ENPP1: variants seen among roughly 807,000 people sequenced by gnomAD.
The protein encoded by ENPP1 is ectonucleotide pyrophosphatase/phosphodiesterase family member 1.
A neutral mutation model predicts 122.8 loss-of-function variants in ENPP1; 73 were observed. That is an observed-to-expected ratio of 0.59 (90% CI 0.49 to 0.72). ENPP1 has a LOEUF of 0.72. Ranked by LOEUF, ENPP1 falls within the 30% of genes least tolerant of loss-of-function variation. The probability of loss-of-function intolerance (pLI) is 0.00; values close to 1 mark genes in which losing one functional copy is unlikely to be tolerated. For missense variants in ENPP1, 978 were observed against 1,128.1 expected, an observed-to-expected ratio of 0.87 and a Z score of 1.91; for synonymous variants, 367 against 391.6, an observed-to-expected ratio of 0.94 and a Z score of 0.74.
At position 131,894,148 on chromosome 6, in the gene ENPP1, G is replaced by C. The variant is rs1340860362; in HGVS notation, c.*3637G>C. The C allele has an allele frequency of 6.6e-6, 1 of 151,606 alleles. No homozygotes were observed. Among genetic ancestry groups the C allele is most frequent in the Non-Finnish European group, 1.5e-5 (1 of 68,014 alleles). The allele number at this position is 151,606 out of a possible 1,614,324, so 9.4% of individuals were successfully genotyped here. ...TTTTGTATTTTTAGTAGAGAATGGA[G>C]TTTCACCGTGTTAGCCAGGATGGTC... On this transcript the variant is annotated 3_prime_UTR_variant, in exon 25 of 25. Coordinates refer to ENST00000647893, the MANE Select transcript of ENPP1 (RefSeq NM_006208.3).
At chr6:131,887,196 G>A (rs905246527) in intron 24 of ENPP1, among the ~76,000 whole-genome samples, 9 of 151,868 alleles carry the variant, frequency 5.9e-5, no homozygotes, top group Non-Finnish European at 4.4e-5. Flanking sequence ...CAAAGTGTCA[G>A]CACTGTTATA....
chr6:131,819,801 A>T (rs1246154403), intron 1 of ENPP1: 1 of 395,164 alleles, frequency 2.5e-6, no homozygotes, highest in Non-Finnish European at 4.9e-6. Flanking sequence ...TAGAGCAGAC[A>T]TTTACCTTCC....
At chr6:131,874,411 C>T (rs1782201856) in intron 16 of ENPP1, 74 bp downstream of exon 16, 1 of 826,076 alleles carries the variant, frequency 1.2e-6, no homozygotes, top group Admixed American at 1.8e-5. Context: ...GACTTGAAAA[C>T]ATACTGTGAT....
intron 1 of ENPP1, among the ~76,000 whole-genome samples, chr6:131,815,215 C>G (rs1331754293): frequency 6.6e-6 from 1 of 152,188 alleles, no homozygotes; most frequent in Non-Finnish European, 1.5e-5. Flanking sequence ...AATCAGAAAT[C>G]TAGTCAGTGA....
chr6:131,817,983 T>TAA (rs35566552), intron 1 of ENPP1, among the ~76,000 whole-genome samples: 11 of 151,404 alleles, frequency 7.3e-5, no homozygotes, highest in African/African-American at 2.4e-4. Context: ...TTGAGAGTCT[T>TAA]AAAAAAAAAT....
chr6:131,893,951 T>G lies in ENPP1; in HGVS notation c.*3440T>G, dbSNP rs1782508364. The G allele has an allele frequency of 3.8e-5, 1 of 26,508 alleles. No individual in the cohort carries two copies. Among genetic ancestry groups the G allele is most frequent in the Non-Finnish European group, 6.3e-5 (1 of 15,876 alleles). The allele number at this position is 26,508 out of a possible 1,614,324, so 1.6% of individuals were successfully genotyped here. ...GAAACCTTTATTTATCTTGATTTCT[T>G]TTTTTTTTTTTTTTTTTTTTTTTTT... On this transcript the variant is annotated 3_prime_UTR_variant, in exon 25 of 25. Coordinates refer to ENST00000647893, the MANE Select transcript of ENPP1 (RefSeq NM_006208.3).
At chr6:131,877,224 G>A (rs757948329) in intron 18 of ENPP1, 63 bp downstream of exon 18, 5 of 1,484,434 alleles carry the variant, frequency 3.4e-6, no homozygotes, top group East Asian at 4.6e-5. Context: ...TGCATAGCAT[G>A]TGCTGTAAAA....
At chr6:131,813,530 A>G in intron 1 of ENPP1, among the ~76,000 whole-genome samples, 1 of 108,090 alleles carries the variant, frequency 9.3e-6, no homozygotes, top group Non-Finnish European at 1.9e-5. Flanking sequence ...ACTCTGTCTC[A>G]AAAAAAAAAA....
At position 131,874,349 on chromosome 6, in the gene ENPP1, T is replaced by C. The variant is rs1361009728; in HGVS notation, c.1635+12T>C. 1 of 1,443,632 alleles carries C rather than the reference T, an allele frequency of 6.9e-7. No individual in the cohort carries two copies. The highest frequency in any genetic ancestry group is 2.3e-5 in the East Asian group (1 of 43,914). The allele number at this position is 1,443,632 out of a possible 1,614,324, so 89.4% of individuals were successfully genotyped here. ...TTTCAAATATGCAAGTGAGTAAACC[T>C]ATTATACTTAATTGGATTAAATCTA... On this transcript the variant is annotated intron_variant, in intron 16 of 24. Transcript: ENST00000647893.
chr6:131,842,308 TC>T (rs1781751717), intron 1 of ENPP1, among the ~76,000 whole-genome samples: 1 of 152,220 alleles, frequency 6.6e-6, no homozygotes, highest in East Asian at 1.9e-4. Context: ...GTGTTGTCTT[TC>T]CTACCTCTGT....
At chr6:131,828,066 C>G in intron 1 of ENPP1, 1 of 644,006 alleles carries the variant, frequency 1.6e-6, no homozygotes. Context: ...AAGAACGTTG[C>G]AAACCAATGG....
chr6:131,815,660 C>T (rs1380036270), intron 1 of ENPP1, among the ~76,000 whole-genome samples: 1 of 151,300 alleles, frequency 6.6e-6, no homozygotes, highest in East Asian at 1.9e-4. Flanking sequence ...AACTGGGGGC[C>T]ATTAACCTTT....
chr6:131,844,649 A>T (rs1472179086), intron 1 of ENPP1, among the ~76,000 whole-genome samples: 1 of 152,222 alleles, frequency 6.6e-6, no homozygotes, highest in Non-Finnish European at 1.5e-5. Flanking sequence ...AAGTAAATGG[A>T]GTTATGGAAG....
In ENPP1 at chr6:131,880,050, C is replaced by G; in HGVS notation, c.2100+16C>G. Reference sequence around the variant, plus strand: ...GGACAGAAATGCAAGTATTTGTCACCTCTTTATGTGTGGCCATTTCAAATT... The same window carrying G: ...GGACAGAAATGCAAGTATTTGTCACGTCTTTATGTGTGGCCATTTCAAATT... On this transcript the variant is annotated intron_variant, in intron 20 of 24. Transcript: ENST00000647893. 6.2e-7 allele frequency: 1 copy of G among 1,611,544 alleles called. No individual in the cohort carries two copies. Among genetic ancestry groups the G allele is most frequent in the South Asian group, 1.1e-5 (1 of 91,036 alleles).
Position 131,809,728 on chromosome 6 carries a change from A to G in ENPP1, c.240+1453A>G, listed in dbSNP as rs181930905. Among the ~76,000 whole-genome samples, 190 of 152,374 alleles carry G rather than the reference A, an allele frequency of 1.2e-3. 1 individual carries two copies. The highest frequency in any genetic ancestry group is 6.8e-3 in the Admixed American group (104 of 15,308). ...AACTCTTGTGTAAAACCATTTCTAC[A>G]TGCCTATAAACCTTTACAGGTTTTC... On this transcript the variant is annotated intron_variant, in intron 1 of 24. Coordinates refer to ENST00000647893, the MANE Select transcript of ENPP1 (RefSeq NM_006208.3).
chr6:131,819,915 G>A, intron 1 of ENPP1: 4 of 522,732 alleles, frequency 7.7e-6, no homozygotes, highest in South Asian at 6.7e-5. Flanking sequence ...ATCATATCTG[G>A]AATCAGATGA....
intron 11 of ENPP1, among the ~76,000 whole-genome samples, chr6:131,865,540 G>A (rs1029173251): frequency 6.6e-6 from 1 of 152,166 alleles, no homozygotes; most frequent in Non-Finnish European, 1.5e-5. Context: ...CTTAGCCAGC[G>A]CCTAGCTATG....
chr6:131,873,721 C>G (rs1782192435), intron 15 of ENPP1, among the ~76,000 whole-genome samples: 1 of 151,586 alleles, frequency 6.6e-6, no homozygotes, highest in African/African-American at 2.4e-5. Context: ...TGATACATAC[C>G]CCTGTCAAGC....
At chr6:131,837,520 CAAAA>C (rs34431136) in intron 1 of ENPP1, among the ~76,000 whole-genome samples, 7,373 of 81,888 alleles carry the variant, frequency 0.09, 616 homozygotes, top group African/African-American at 0.27. Context: ...GACTCTGTCT[CAAAA>C]AAAAAAAAAA....
Sources: gnomAD v4.1 joint callset for allele counts (sites outside exome capture counted in the v4.1 genomes callset) on GRCh38, gnomAD v4.1.1 for gene constraint, MANE v1.5 for transcripts, NCBI Gene and HGNC (gene_info 2026-07-23, HGNC 2026-07-21) for gene names.